Variants in HYDIN observed in about 807,000 individuals in gnomAD.
HYDIN encodes the protein HYDIN axonemal central pair apparatus protein, also known as axonemal central pair apparatus protein HYDIN.
Under a neutral mutation model 403.9 loss-of-function variants are expected in HYDIN, and 132 were observed. The ratio of observed to expected loss-of-function variants is 0.33; its 90% CI spans 0.28 to 0.38. The LOEUF is 0.38. Among genes scored for constraint, HYDIN ranks in the 10% least tolerant of loss-of-function variants. The pLI, the probability that HYDIN is intolerant of heterozygous loss-of-function variation, is 1.00. For missense variants in HYDIN, 2,827 were observed against 5,009.5 expected (o/e 0.56, Z 13.15); for synonymous variants, 1,202 against 1,891.7 (o/e 0.64, Z 9.46).
At chr16:71,067,412 G>C in intron 14 of HYDIN, 22 bp from the exon 15 acceptor site, 1 of 1,564,324 alleles carries the variant, frequency 6.4e-7, no homozygotes, top group Non-Finnish European at 8.8e-7. Flanking sequence ...AAGGTGACAA[G>C]TTGGTCTTCG....
chr16:70,931,208 CTGTTTTTTTTTT>C (rs369057816), intron 45 of HYDIN, among the ~76,000 whole-genome samples: 2,592 of 77,360 alleles, frequency 0.034, no homozygotes, highest in African/African-American at 0.097. Context: ...TCTCTTTCTT[CTGTTTTTTTTTT>C]TTTTTTTTTT....
At chr16:71,174,405 T>C (rs551745303) in intron 5 of HYDIN, among the ~76,000 whole-genome samples, 1 of 152,310 alleles carries the variant, frequency 6.6e-6, no homozygotes, top group African/African-American at 2.4e-5. Context: ...TAGTTCTGTC[T>C]GACTCCACTG....
rs570570785 is a variant in HYDIN at position 71,105,394 on chromosome 16, T to C, written c.1327+10302A>G. 2.9e-3 allele frequency among the ~76,000 whole-genome samples: 433 copies of C among 150,136 alleles called. 3 individuals carry two copies. Among genetic ancestry groups the C allele is most frequent in the African/African-American group, 9.9e-3 (404 of 40,984 alleles). On this transcript the variant is annotated intron_variant, in intron 10 of 85. Coordinates refer to ENST00000393567, the MANE Select transcript of HYDIN (RefSeq NM_001270974.2). ...TTGGAGAGATGCTGAGTAACCAATATGTAGCATATTACTTACTTATTACTC... is the reference window on the plus strand; with the variant it reads ...TTGGAGAGATGCTGAGTAACCAATACGTAGCATATTACTTACTTATTACTC...
intron 58 of HYDIN, among the ~76,000 whole-genome samples, chr16:70,888,223 AT>A (rs557656301): frequency 0.033 from 5,028 of 151,924 alleles, 6 homozygotes; most frequent in African/African-American, 0.11. Flanking sequence ...GCATTTATCT[AT>A]TTTCCTTCAG....
chr16:70,839,337 A>G (rs2037653724), intron 76 of HYDIN, among the ~76,000 whole-genome samples: 1 of 144,320 alleles, frequency 6.9e-6, no homozygotes, highest in Non-Finnish European at 1.5e-5. Flanking sequence ...TGAAATTTGA[A>G]CTTAGATCTG....
At chr16:70,820,187 CTTTTTTTTT>C (rs57769826) in intron 83 of HYDIN, among the ~76,000 whole-genome samples, 1 of 91,816 alleles carries the variant, frequency 1.1e-5, no homozygotes, top group Non-Finnish European at 2.2e-5. Context: ...TTTCTTTTTT[CTTTTTTTTT>C]TTTTTTTTTT....
chr16:70,843,216 C>T (rs1390169046), intron 75 of HYDIN, among the ~76,000 whole-genome samples: 2 of 128,046 alleles, frequency 1.6e-5, no homozygotes, highest in South Asian at 2.7e-4. Flanking sequence ...CCACAGTCCC[C>T]AGAGTGTGAT....
intron 1 of HYDIN, among the ~76,000 whole-genome samples, chr16:71,191,517 C>T (rs570364394): frequency 6.6e-6 from 1 of 152,272 alleles, no homozygotes; most frequent in East Asian, 1.9e-4. Flanking sequence ...CAGCAAAACC[C>T]TAACACTGGT....
chr16:71,132,524 G>C (rs1334182572), intron 8 of HYDIN: 1 of 56,230 alleles, frequency 1.8e-5, no homozygotes, highest in Non-Finnish European at 3.4e-5. Context: ...GATAGACACA[G>C]TAACATATTA....
chr16:70,878,689 TTCTC>T (rs1246909989), intron 62 of HYDIN, among the ~76,000 whole-genome samples: 2 of 145,052 alleles, frequency 1.4e-5, no homozygotes, highest in Non-Finnish European at 2.9e-5. Context: ...CTTTGAAGCT[TTCTC>T]TCTATTTCTG....
chr16:71,163,651 G>A (rs1338730367), intron 5 of HYDIN, among the ~76,000 whole-genome samples: 1 of 152,190 alleles, frequency 6.6e-6, no homozygotes, highest in Non-Finnish European at 1.5e-5. Flanking sequence ...GCCTACTGCA[G>A]GATGTGCACC....
At chr16:71,119,625 G>A (rs1377310703) in intron 9 of HYDIN, among the ~76,000 whole-genome samples, 1 of 151,864 alleles carries the variant, frequency 6.6e-6, no homozygotes, top group Non-Finnish European at 1.5e-5. Flanking sequence ...AGACGGTTGT[G>A]TGTACCTGAA....
At chr16:70,997,522 C>T (rs2079569663) in intron 23 of HYDIN, among the ~76,000 whole-genome samples, 1 of 151,182 alleles carries the variant, frequency 6.6e-6, no homozygotes, top group South Asian at 2.1e-4. Flanking sequence ...TAGCACTGAC[C>T]CCAGCAGTCA....
At chr16:70,970,483 A>C (rs2078701436) in intron 36 of HYDIN, 37 bp downstream of exon 36, 3 of 1,605,554 alleles carry the variant, frequency 1.9e-6, no homozygotes, top group Non-Finnish European at 1.7e-6. Flanking sequence ...AAAGATGGGA[A>C]CGTGTAGAAA....
At chr16:71,112,947 G>A (rs2083887821) in intron 10 of HYDIN, among the ~76,000 whole-genome samples, 2 of 152,192 alleles carry the variant, frequency 1.3e-5, no homozygotes, top group African/African-American at 4.8e-5. Context: ...TGGGTTGTCA[G>A]GGGCTGAGGC....
At chr16:71,216,308 T>C (rs1246364402) in intron 1 of HYDIN, among the ~76,000 whole-genome samples, 1 of 152,112 alleles carries the variant, frequency 6.6e-6, no homozygotes, top group Non-Finnish European at 1.5e-5. Context: ...AGACCAACAA[T>C]ATGGATGAAT....
At chr16:71,203,728 T>C (rs954748848) in intron 1 of HYDIN, 1 of 456,038 alleles carries the variant, frequency 2.2e-6, no homozygotes. Flanking sequence ...CACATACCAA[T>C]GTCTTTGCAG....
intron 1 of HYDIN, among the ~76,000 whole-genome samples, chr16:71,201,355 T>C (rs2087999203): frequency 1.3e-5 from 2 of 152,206 alleles, no homozygotes; most frequent in African/African-American, 2.4e-5. Context: ...TTCTCAAAGA[T>C]ATCTTCATTT....
At chr16:71,016,412 A>G (rs2080258922) in intron 23 of HYDIN, among the ~76,000 whole-genome samples, 1 of 152,168 alleles carries the variant, frequency 6.6e-6, no homozygotes, top group Non-Finnish European at 1.5e-5. Context: ...AAAAACCCCA[A>G]TGAGATATCA....
Sources: allele counts gnomAD v4.1 joint callset (sites outside exome capture counted in the v4.1 genomes callset), GRCh38; gene constraint gnomAD v4.1.1; transcripts MANE v1.5; gene names NCBI Gene and HGNC (gene_info 2026-07-23, HGNC 2026-07-21).